RRAS2: variants seen among roughly 807,000 people sequenced by gnomAD.
RRAS2 encodes ras-related protein R-Ras2.
A neutral mutation model predicts 27.6 loss-of-function variants in RRAS2; 7 were observed. The ratio of observed to expected loss-of-function variants is 0.25; its 90% CI spans 0.14 to 0.48. RRAS2 has a LOEUF of 0.48. Ranked by LOEUF, RRAS2 falls within the 20% of genes least tolerant of loss-of-function variation. The pLI, the probability that RRAS2 is intolerant of heterozygous loss-of-function variation, is 0.99. For missense variants in RRAS2, 178 were observed against 256.2 expected, an observed-to-expected ratio of 0.69 and a Z score of 2.08; for synonymous variants, 86 against 90.9, an observed-to-expected ratio of 0.95 and a Z score of 0.31.
At chr11:14,300,221 C>T (rs1847663699) in intron 1 of RRAS2, among the ~76,000 whole-genome samples, 1 of 152,102 alleles carries the variant, frequency 6.6e-6, no homozygotes, top group African/African-American at 2.4e-5. Flanking sequence ...GAATCCTAGT[C>T]AAAAGACAAG....
intron 4 of RRAS2, among the ~76,000 whole-genome samples, chr11:14,283,755 G>A (rs1048746193): frequency 1.3e-5 from 2 of 152,076 alleles, no homozygotes; most frequent in South Asian, 2.1e-4. Context: ...TGAAGATACC[G>A]CTCTCAATCC....
chr11:14,326,826 C>T lies in RRAS2; in HGVS notation c.109-30971G>A, dbSNP rs1467986904. 2.7e-5 allele frequency among the ~76,000 whole-genome samples: 2 copies of T among 74,944 alleles called. 1 individual carries two copies. 49.2% of individuals were successfully genotyped at this position (74,944 alleles called of 152,430 possible). On this transcript the variant is annotated intron_variant, in intron 1 of 5. Coordinates refer to ENST00000256196, the MANE Select transcript of RRAS2 (RefSeq NM_012250.6). Reference sequence around the variant, plus strand: ...CTGTAATCCCAGCACTTTGGGAGGCCGAGGCGGGCGGATCACGAGGTCAGG... The same window carrying T: ...CTGTAATCCCAGCACTTTGGGAGGCTGAGGCGGGCGGATCACGAGGTCAGG...
intron 1 of RRAS2, among the ~76,000 whole-genome samples, chr11:14,348,395 T>C (rs1223856694): frequency 1.3e-5 from 2 of 152,200 alleles, no homozygotes; most frequent in Admixed American, 6.5e-5. Context: ...AGTTTTAACA[T>C]CCATTTTTAC....
At chr11:14,279,644 T>C (rs1849467663) in intron 5 of RRAS2, among the ~76,000 whole-genome samples, 1 of 152,198 alleles carries the variant, frequency 6.6e-6, no homozygotes. Context: ...GGATGAGTCC[T>C]GAATCAGACG....
chr11:14,280,223 C>G (rs1348242427), intron 5 of RRAS2, among the ~76,000 whole-genome samples: 2 of 151,900 alleles, frequency 1.3e-5, no homozygotes, highest in African/African-American at 2.4e-5. Flanking sequence ...GTTGTGCAAC[C>G]ATCATCGCCA....
At chr11:14,302,064 C>CCACACATACACACACACACA (rs1847720923) in intron 1 of RRAS2, among the ~76,000 whole-genome samples, 1 of 51,820 alleles carries the variant, frequency 1.9e-5, no homozygotes, top group Non-Finnish European at 4.0e-5. Context: ...AGTAAATGTA[C>CCACACATACACACACACACA]CACACACATA....
chr11:14,324,979 G>A (rs1331669705), intron 1 of RRAS2, among the ~76,000 whole-genome samples: 6 of 152,122 alleles, frequency 3.9e-5, no homozygotes, highest in Non-Finnish European at 5.9e-5. Flanking sequence ...ATTATAAAGG[G>A]TTCATAAATC....
chr11:14,292,898 G>A (rs891259507), intron 4 of RRAS2, among the ~76,000 whole-genome samples: 5 of 151,678 alleles, frequency 3.3e-5, no homozygotes, highest in Non-Finnish European at 7.4e-5. Flanking sequence ...ACAAGTTCAG[G>A]AGATCGAGAC....
chr11:14,295,757 A>C lies in RRAS2; in HGVS notation c.196+11T>G, dbSNP rs1847529418. 20 of 1,582,218 alleles carry C rather than the reference A, an allele frequency of 1.3e-5. No homozygotes were observed. The highest frequency in any genetic ancestry group is 1.7e-5 in the Non-Finnish European group (20 of 1,163,602). On this transcript the variant is annotated intron_variant, in intron 2 of 5. Transcript: ENST00000256196. ...GATATGCAAATTATCAAACAAAGGA[A>C]GTTTACTTACTATCTAGCCGGGCTG...
chr11:14,311,914 G>A (rs774539354), intron 1 of RRAS2, among the ~76,000 whole-genome samples: 4 of 151,944 alleles, frequency 2.6e-5, no homozygotes, highest in Non-Finnish European at 5.9e-5. Context: ...GCCCAGGCTG[G>A]AGTGCAATGG....
chr11:14,292,934 C>T (rs1362373061), intron 4 of RRAS2, among the ~76,000 whole-genome samples: 5 of 151,116 alleles, frequency 3.3e-5, no homozygotes, highest in Non-Finnish European at 7.4e-5. Context: ...GGTGAAACCC[C>T]GTATCTACTA....
chr11:14,320,120 C>A (rs967516769), intron 1 of RRAS2, among the ~76,000 whole-genome samples: 4 of 151,900 alleles, frequency 2.6e-5, no homozygotes, highest in African/African-American at 9.7e-5. Flanking sequence ...CCGCACCCCA[C>A]AAAAAAAGCC....
At chr11:14,335,033 AC>A (rs1848563060) in intron 1 of RRAS2, among the ~76,000 whole-genome samples, 1 of 152,144 alleles carries the variant, frequency 6.6e-6, no homozygotes, top group South Asian at 2.1e-4. Context: ...ATCCAAACTT[AC>A]AATTTTCACC....
chr11:14,354,672 C>CTTTTTT (rs35556947), intron 1 of RRAS2, among the ~76,000 whole-genome samples: 7 of 110,438 alleles, frequency 6.3e-5, no homozygotes, highest in African/African-American at 1.1e-4. Context: ...GTAACAATTT[C>CTTTTTT]TTTTTTTTTT....
intron 1 of RRAS2, among the ~76,000 whole-genome samples, chr11:14,324,047 T>A (rs1848289600): frequency 6.6e-6 from 1 of 151,558 alleles, no homozygotes; most frequent in African/African-American, 2.4e-5. Context: ...AGAACAAGTA[T>A]GTATGTCTAC....
Position 14,278,115 on chromosome 11 carries a change from CCA to C in RRAS2, c.*1220_*1221del, listed in dbSNP as rs1219472501. On this transcript the variant is annotated 3_prime_UTR_variant, in exon 6 of 6. Coordinates refer to ENST00000256196, the MANE Select transcript of RRAS2 (RefSeq NM_012250.6). ...AATTAAAAACAAAATCAGATGCCATCCACAGTTATACTAATTATCCATTAAAA... is the reference window on the plus strand; with the variant it reads ...AATTAAAAACAAAATCAGATGCCATCCAGTTATACTAATTATCCATTAAAA... The C allele has an allele frequency of 6.6e-6, 1 of 152,206 alleles. No individual in the cohort carries two copies. Among genetic ancestry groups the C allele is most frequent in the African/African-American group, 2.4e-5 (1 of 41,456 alleles). 9.4% of individuals were successfully genotyped at this position (152,206 alleles called of 1,614,324 possible).
chr11:14,283,920 C>T (rs1444855540), intron 4 of RRAS2, among the ~76,000 whole-genome samples: 1 of 151,980 alleles, frequency 6.6e-6, no homozygotes, highest in Non-Finnish European at 1.5e-5. Flanking sequence ...TCTTGAACTG[C>T]TCTGCTGGGC....
intron 1 of RRAS2, among the ~76,000 whole-genome samples, chr11:14,330,004 G>A (rs1848453176): frequency 6.6e-6 from 1 of 152,128 alleles, no homozygotes; most frequent in Admixed American, 6.5e-5. Flanking sequence ...CAGCCCAAGA[G>A]TTCGAGCCTA....
chr11:14,317,762 A>G (rs1435029280), intron 1 of RRAS2, among the ~76,000 whole-genome samples: 1 of 152,202 alleles, frequency 6.6e-6, no homozygotes, highest in Non-Finnish European at 1.5e-5. Context: ...AAATCATTGC[A>G]AACTCTAAAT....
Sources: allele counts gnomAD v4.1 joint callset (sites outside exome capture counted in the v4.1 genomes callset), GRCh38; gene constraint gnomAD v4.1.1; transcripts MANE v1.5; gene names NCBI Gene and HGNC (gene_info 2026-07-23, HGNC 2026-07-21).